PNISR: variants seen among roughly 807,000 people sequenced by gnomAD.
PNISR encodes the protein arginine/serine-rich protein PNISR.
In PNISR, 20 loss-of-function variants were observed where a neutral mutation model predicts 93.4. That is an observed-to-expected ratio of 0.21 (90% CI 0.15 to 0.31). The LOEUF (loss-of-function observed/expected upper bound fraction) is 0.31. PNISR is among the 10% of genes least tolerant of loss of function. PNISR has a pLI of 1.00. For missense variants in PNISR, 893 were observed against 985.4 expected, an observed-to-expected ratio of 0.91 and a Z score of 1.25; for synonymous variants, 305 against 306.5, an observed-to-expected ratio of 0.99 and a Z score of 0.05.
At chr6:99,407,533 C>T (rs2128483328) in intron 7 of PNISR, among the ~76,000 whole-genome samples, 1 of 152,214 alleles carries the variant, frequency 6.6e-6, no homozygotes, top group Admixed American at 6.5e-5. Flanking sequence ...ATTTCTAAAG[C>T]AGAAAATGGC....
In PNISR at chr6:99,419,354, A is replaced by C. The variant is rs147577701; in HGVS notation, c.-111-2926T>G. On this transcript the variant is annotated intron_variant, in intron 1 of 11. Transcript: ENST00000369239. ...TAAACATCTGGTTTCAGTGACATTAAATTAAAGGCAAGTTAAATAAGTTAG... is the reference window on the plus strand; with the variant it reads ...TAAACATCTGGTTTCAGTGACATTACATTAAAGGCAAGTTAAATAAGTTAG... Among the ~76,000 whole-genome samples the C allele has an allele frequency of 5.1e-4, 77 of 152,216 alleles. 1 individual carries two copies. In the East Asian group the frequency reaches 0.012, roughly 24 times the overall value.
chr6:99,415,821 T>C (rs1420521100), intron 2 of PNISR: 2 of 152,176 alleles, frequency 1.3e-5, no homozygotes, highest in Non-Finnish European at 2.9e-5. Context: ...ACAAAAAAAA[T>C]AGAGATATTA....
intron 1 of PNISR, among the ~76,000 whole-genome samples, chr6:99,421,689 G>GA (rs1344111984): frequency 6.6e-6 from 1 of 152,160 alleles, no homozygotes; most frequent in African/African-American, 2.4e-5. Flanking sequence ...TTAGCCTTCA[G>GA]AACTGTGGAA....
intron 1 of PNISR, among the ~76,000 whole-genome samples, chr6:99,419,678 T>C (rs1233354596): frequency 6.6e-6 from 1 of 152,216 alleles, no homozygotes; most frequent in Non-Finnish European, 1.5e-5. Flanking sequence ...CTAGTCATTA[T>C]GGACTGTGTT....
At chr6:99,402,844 G>C (rs1212301672) in intron 10 of PNISR, 134 bp from the exon 11 acceptor site, 2 of 594,072 alleles carry the variant, frequency 3.4e-6, no homozygotes, top group Non-Finnish European at 5.6e-6. Flanking sequence ...TCGGGGTGGG[G>C]AGAAGTATAC....
At chr6:99,416,452 C>A in intron 1 of PNISR, 24 bp from the exon 2 acceptor site, 1 of 809,240 alleles carries the variant, frequency 1.2e-6, no homozygotes, top group South Asian at 6.3e-5. Flanking sequence ...AAGTAGATGT[C>A]TGCTTATAGA....
rs1299498020 is a variant in PNISR at position 99,400,802 on chromosome 6, C to T, written c.2156G>A (p.Arg719Lys). ...TATAGAACCACTCCTAGAAAATGTT[C>T]TTTCACTTTCTCGTTTCCTTTTTAA... Reference protein sequence around the residue: ...DRLKRKRESERTFSRSGSISV... With the variant: ...DRLKRKRESEKTFSRSGSISV... Residue 719 changes from arginine (R) to lysine (K), a missense_variant, in exon 12 of 12, where the codon AGA becomes AAA. Arg to Lys is a conservative substitution (Grantham distance 26, BLOSUM62 2). This residue lies in a region of PNISR where 866 missense variants were observed against 935.1 expected (regional missense o/e 0.93). Coordinates refer to ENST00000369239, the MANE Select transcript of PNISR (RefSeq NM_032870.4). The T allele has an allele frequency of 3.7e-6, 6 of 1,611,364 alleles. No homozygotes were observed. The highest frequency in any genetic ancestry group is 5.1e-6 in the Non-Finnish European group (6 of 1,178,202).
intron 1 of PNISR, among the ~76,000 whole-genome samples, chr6:99,423,848 G>C (rs534634743): frequency 6.6e-6 from 1 of 152,282 alleles, no homozygotes; most frequent in Admixed American, 6.5e-5. Flanking sequence ...CTATGGGGTT[G>C]ATTTCATTCT....
chr6:99,420,483 G>T (rs763932288), intron 1 of PNISR, among the ~76,000 whole-genome samples: 1 of 152,158 alleles, frequency 6.6e-6, no homozygotes, highest in African/African-American at 2.4e-5. Flanking sequence ...TAAACAGTAA[G>T]ATTACTAGTG....
chr6:99,416,709 A>AG (rs147686097), intron 1 of PNISR, among the ~76,000 whole-genome samples: 6,582 of 152,298 alleles, frequency 0.043, 391 homozygotes, highest in African/African-American at 0.14. Context: ...TTAGAGATTG[A>AG]GAAAAAAGGA....
At chr6:99,402,983 A>C in intron 10 of PNISR, 1 of 247,962 alleles carries the variant, frequency 4.0e-6, no homozygotes, top group Non-Finnish European at 7.6e-6. Flanking sequence ...GTCCATACTA[A>C]CCAACAAAAC....
intron 11 of PNISR, among the ~76,000 whole-genome samples, chr6:99,401,917 T>C (rs1032605834): frequency 6.6e-6 from 1 of 152,210 alleles, no homozygotes. Flanking sequence ...ATGTAATTTA[T>C]ACCCACAGCA....
rs780432276 is a variant in PNISR, at chr6:99,400,814, C to T, written c.2144G>A (p.Arg715Gln). The T allele has an allele frequency of 1.6e-5, 25 of 1,611,706 alleles. No homozygotes were observed. The highest frequency in any genetic ancestry group is 1.1e-4 in the East Asian group (5 of 44,872). ...SSQDDRLKRK[R>Q]ESERTFSRSG... Reference sequence around the variant, plus strand: ...CCTAGAAAATGTTCTTTCACTTTCTCGTTTCCTTTTTAATCTATCATCCTG... The same window carrying T: ...CCTAGAAAATGTTCTTTCACTTTCTTGTTTCCTTTTTAATCTATCATCCTG... Residue 715 changes from arginine to glutamine, a missense_variant, in exon 12 of 12, where the codon CGA (arginine) becomes CAA (glutamine). By Grantham distance (43) the Arg-to-Gln change is conservative (BLOSUM62 1). Around this residue, in one of 3 missense-constraint regions of PNISR, gnomAD observed 866 missense variants for 935.1 expected, o/e 0.93. Transcript: ENST00000369239.
In PNISR at chr6:99,402,663, C is replaced by T. The variant is rs1562229187; in HGVS notation, c.1204G>A (p.Asp402Asn). Residue 402 changes from aspartate to asparagine, a missense_variant, in exon 11 of 12, where the codon GAC becomes AAC. Transcript: ENST00000369239. ...GTGTCAGATGACTCAGATCCTCTGT[C>T]ACTCCTCTCATCTTCACTGTCTCCT... ...GSGDSEDERS[D>N]RGSESSDTDD... 5 of 1,613,078 alleles carry T rather than the reference C, an allele frequency of 3.1e-6. No homozygotes were observed. The highest frequency in any genetic ancestry group is 4.2e-6 in the Non-Finnish European group (5 of 1,179,268).
At position 99,403,855 on chromosome 6, in the gene PNISR, C is replaced by T. The variant is rs1775820703; in HGVS notation, c.1130G>A (p.Ser377Asn). 1 of 1,613,680 alleles carries T rather than the reference C, an allele frequency of 6.2e-7. No homozygotes were observed. Among genetic ancestry groups the T allele is most frequent in the East Asian group, 2.2e-5 (1 of 44,858 alleles). Residue 377 changes from serine to asparagine, a missense_variant, in exon 10 of 12, where the codon AGT becomes AAT. Ser to Asn is a conservative substitution (Grantham distance 46). This residue lies in a region of PNISR where 866 missense variants were observed against 935.1 expected (regional missense o/e 0.93). Transcript: ENST00000369239. ...GAGTCCAGTGAGGGAAGCCAGTGCA[C>T]TGGACTGTGCCAGCTGTTTTGCAGG... ...KAPAKQLAQS[S>N]ALASLTGLGG...
At position 99,412,746 on chromosome 6, in the gene PNISR, T is replaced by C. The variant is rs1462498789; in HGVS notation, c.89-7A>G. 1 of 1,543,080 alleles carries C rather than the reference T, an allele frequency of 6.5e-7. No homozygotes were observed. Among genetic ancestry groups the C allele is most frequent in the Non-Finnish European group, 8.7e-7 (1 of 1,147,748 alleles). On this transcript the variant is annotated splice_region_variant and splice_polypyrimidine_tract_variant and intron_variant, in intron 3 of 11. Transcript: ENST00000369239. Reference sequence around the variant, plus strand: ...GCAGCCCAATCAATCTGGCCTAACGTAAATTAACACTGACTTCAGCATTCA... The same window carrying C: ...GCAGCCCAATCAATCTGGCCTAACGCAAATTAACACTGACTTCAGCATTCA...
At position 99,401,560 on chromosome 6, in the gene PNISR, T is replaced by C. The variant is rs962945751; in HGVS notation, c.1398A>G (p.Leu466=). The change falls in exon 12 of 12, where the codon TTA becomes TTG. Residue 466 remains leucine, a synonymous_variant. Coordinates refer to ENST00000369239, the MANE Select transcript of PNISR (RefSeq NM_032870.4). ...CTGCTTCTCTTGCTTCTAGTAGTGA[T>C]AAACTATTTTGCTCTTTATGGATAA... ...NEFIHKEQNS[L]SLLEAREADG... is the part of the protein sequence containing the mutation. 10 of 1,600,770 alleles carry C rather than the reference T, an allele frequency of 6.2e-6. No homozygotes were observed. Among genetic ancestry groups the C allele is most frequent in the African/African-American group, 1.4e-5 (1 of 73,706 alleles).
intron 1 of PNISR, among the ~76,000 whole-genome samples, chr6:99,424,686 C>G (rs538209311): frequency 6.6e-6 from 1 of 152,364 alleles, no homozygotes; most frequent in Admixed American, 6.5e-5. Flanking sequence ...TCAATTTGTT[C>G]AGATGACGAT....
At chr6:99,423,954 G>A (rs72930629) in intron 1 of PNISR, among the ~76,000 whole-genome samples, 9,075 of 152,214 alleles carry the variant, frequency 0.06, 361 homozygotes, top group South Asian at 0.13. Flanking sequence ...AAGGACAGCA[G>A]TTATTAATAT....
Sources: allele counts gnomAD v4.1 joint callset (sites outside exome capture counted in the v4.1 genomes callset), GRCh38; gene constraint gnomAD v4.1.1; regional missense constraint gnomAD v4.1.1; transcripts MANE v1.5; gene names NCBI Gene and HGNC (gene_info 2026-07-23, HGNC 2026-07-21).